ACOT13: variants seen among roughly 807,000 people sequenced by gnomAD.
ACOT13 encodes acyl-coenzyme A thioesterase 13.
Under a neutral mutation model 11.8 loss-of-function variants are expected in ACOT13, and 10 were observed. The observed-to-expected ratio is 0.85, with a 90% CI of 0.53 to 1.44. ACOT13 has a LOEUF of 1.44. ACOT13 is among the 40% of genes most tolerant of loss of function. The pLI is 0.00. For missense variants in ACOT13, 172 were observed against 174.1 expected, an observed-to-expected ratio of 0.99 and a Z score of 0.07; for synonymous variants, 53 against 61.0, an observed-to-expected ratio of 0.87 and a Z score of 0.61.
At chr6:24,696,985 A>G (rs1255289544) in intron 1 of ACOT13, among the ~76,000 whole-genome samples, 1 of 152,214 alleles carries the variant, frequency 6.6e-6, no homozygotes, top group Non-Finnish European at 1.5e-5. Context: ...CATGTTGGTA[A>G]GGCTGGTCTC....
intron 1 of ACOT13, among the ~76,000 whole-genome samples, chr6:24,668,204 G>GA (rs1161271248): frequency 1.3e-5 from 2 of 151,214 alleles, no homozygotes; most frequent in South Asian, 4.2e-4. Flanking sequence ...CGCCACGCCA[G>GA]ACCTTGAAGG....
intron 1 of ACOT13, among the ~76,000 whole-genome samples, chr6:24,691,024 C>G (rs1445178347): frequency 6.6e-6 from 1 of 152,068 alleles, no homozygotes; most frequent in Non-Finnish European, 1.5e-5. Flanking sequence ...GTTTGTCTTC[C>G]CTCTATACTT....
At position 24,704,137 on chromosome 6, in the gene ACOT13, T is replaced by A. The variant is rs1778948280; in HGVS notation, c.*2522T>A. The A allele has an allele frequency of 6.6e-6, 1 of 152,106 alleles. No individual in the cohort carries two copies. Among genetic ancestry groups the A allele is most frequent in the South Asian group, 2.1e-4 (1 of 4,834 alleles). The allele number at this position is 152,106 out of a possible 1,614,324, so 9.4% of individuals were successfully genotyped here. ...GTAATTTTACTCTAGTTATATGAAA[T>A]ATTCTTGTACTTGGAACATATGCCG... On this transcript the variant is annotated 3_prime_UTR_variant, in exon 3 of 3. Coordinates refer to ENST00000230048, the MANE Select transcript of ACOT13 (RefSeq NM_018473.4).
chr6:24,670,235 T>A (rs1778337853), intron 1 of ACOT13, among the ~76,000 whole-genome samples: 1 of 152,228 alleles, frequency 6.6e-6, no homozygotes, highest in Non-Finnish European at 1.5e-5. Context: ...ATAGGCTTTT[T>A]AAAATTGGCT....
At chr6:24,672,467 C>A (rs1778380146) in intron 1 of ACOT13, among the ~76,000 whole-genome samples, 1 of 152,154 alleles carries the variant, frequency 6.6e-6, no homozygotes, top group Non-Finnish European at 1.5e-5. Flanking sequence ...GGTGAAACCC[C>A]TTCTCTACTA....
At chr6:24,693,035 CCTGT>C (rs1454811040) in intron 1 of ACOT13, among the ~76,000 whole-genome samples, 1 of 152,216 alleles carries the variant, frequency 6.6e-6, no homozygotes, top group African/African-American at 2.4e-5. Flanking sequence ...ACTGCCACAT[CCTGT>C]CTTTTTACCT....
rs905594682 is a variant in ACOT13, at chr6:24,675,604, A to C, written c.81+8260A>C. ...TTGATTTTTTCTTGTAAATTTGTTT[A>C]AGTTCTTTGTAGATTCTGGATATTA... On this transcript the variant is annotated intron_variant, in intron 1 of 2. Coordinates refer to ENST00000230048, the MANE Select transcript of ACOT13 (RefSeq NM_018473.4). Among the ~76,000 whole-genome samples, 3 of 151,892 alleles carry C rather than the reference A, an allele frequency of 2.0e-5. No homozygotes were observed. The South Asian group carries it at 6.2e-4, about 32-fold the overall frequency.
intron 1 of ACOT13, among the ~76,000 whole-genome samples, chr6:24,682,581 G>A (rs1478996381): frequency 6.6e-6 from 1 of 152,204 alleles, no homozygotes; most frequent in Non-Finnish European, 1.5e-5. Context: ...CCTTTAGCCT[G>A]ATTGGGAGTG....
At chr6:24,668,903 G>A (rs1467757020) in intron 1 of ACOT13, among the ~76,000 whole-genome samples, 1 of 152,202 alleles carries the variant, frequency 6.6e-6, no homozygotes, top group Non-Finnish European at 1.5e-5. Context: ...CAGAAAAGGT[G>A]GGGGTTTGGA....
intron 1 of ACOT13, among the ~76,000 whole-genome samples, chr6:24,692,605 G>T (rs1398684460): frequency 6.6e-6 from 1 of 152,116 alleles, no homozygotes; most frequent in Non-Finnish European, 1.5e-5. Context: ...TTTTTCTAGA[G>T]TTGGGGTCTT....
Position 24,667,319 on chromosome 6 carries a change from G to A in ACOT13, c.56G>A (p.Arg19His). 2 of 1,614,188 alleles carry A rather than the reference G, an allele frequency of 1.2e-6. No individual in the cohort carries two copies. The highest frequency in any genetic ancestry group is 1.7e-6 in the Non-Finnish European group (2 of 1,180,022). Residue 19 changes from arginine to histidine, a missense_variant, in exon 1 of 3, where the codon CGC becomes CAC. By Grantham distance (29) the Arg-to-His change is conservative. Coordinates refer to ENST00000230048, the MANE Select transcript of ACOT13 (RefSeq NM_018473.4). ...GTGATAAAGGCCATGACCAAGGCTC[G>A]CAATTTTGAGAGAGTTTTGGGAAAG... The part of the protein sequence containing the change: ...REVIKAMTKA[R>H]NFERVLGKIT...
At chr6:24,677,383 C>T (rs1778472760) in intron 1 of ACOT13, among the ~76,000 whole-genome samples, 1 of 152,196 alleles carries the variant, frequency 6.6e-6, no homozygotes, top group Admixed American at 6.5e-5. Context: ...GTGAGTATGC[C>T]ATTCACATCA....
At chr6:24,697,575 C>T (rs916005037) in intron 1 of ACOT13, among the ~76,000 whole-genome samples, 2 of 152,150 alleles carry the variant, frequency 1.3e-5, no homozygotes, top group African/African-American at 4.8e-5. Context: ...GCTTTGTTGG[C>T]GTCGAAGTTC....
Position 24,691,851 on chromosome 6 carries a change from T to C in ACOT13, c.82-6032T>C, listed in dbSNP as rs370635268. Among the ~76,000 whole-genome samples, 87 of 152,312 alleles carry C rather than the reference T, an allele frequency of 5.7e-4. No individual in the cohort carries two copies. The South Asian group carries it at 0.017, about 29-fold the overall frequency. ...CGCATTGGGATAAGCCCATCATAAA[T>C]TGAGATACTTTCAACTTAACAATAG... On this transcript the variant is annotated intron_variant, in intron 1 of 2. Coordinates refer to ENST00000230048, the MANE Select transcript of ACOT13 (RefSeq NM_018473.4).
chr6:24,672,957 G>A (rs1778386823), intron 1 of ACOT13, among the ~76,000 whole-genome samples: 1 of 152,170 alleles, frequency 6.6e-6, no homozygotes, highest in Admixed American at 6.5e-5. Context: ...CTTCTACGGG[G>A]CCTGAAGATG....
rs369791083 is a variant in ACOT13, at chr6:24,703,179, TCTTA to T, written c.*1568_*1571del. On this transcript the variant is annotated 3_prime_UTR_variant, in exon 3 of 3. Coordinates refer to ENST00000230048, the MANE Select transcript of ACOT13 (RefSeq NM_018473.4). Reference sequence around the variant, plus strand: ...GTGTGAACCACTGCACCCAGCTGACTCTTACTTGATTTCTGTCAGGGAATCTTAA... The same window carrying T: ...GTGTGAACCACTGCACCCAGCTGACTCTTGATTTCTGTCAGGGAATCTTAA... The T allele has an allele frequency of 2.0e-5, 3 of 152,358 alleles. No individual in the cohort carries two copies. The highest frequency in any genetic ancestry group is 7.2e-5 in the African/African-American group (3 of 41,584). The allele number at this position is 152,358 out of a possible 1,614,324, so 9.4% of individuals were successfully genotyped here. A position where few individuals can be genotyped will look rare whatever the true frequency, so the allele number is the denominator to read the frequency against.
At chr6:24,674,556 C>T (rs993780470) in intron 1 of ACOT13, among the ~76,000 whole-genome samples, 1 of 151,888 alleles carries the variant, frequency 6.6e-6, no homozygotes, top group Non-Finnish European at 1.5e-5. Flanking sequence ...TTACAGGCGC[C>T]TGCCACCACG....
chr6:24,673,017 T>G (rs1372222858), intron 1 of ACOT13, among the ~76,000 whole-genome samples: 1 of 152,186 alleles, frequency 6.6e-6, no homozygotes, highest in Non-Finnish European at 1.5e-5. Context: ...CTTGGTGTCC[T>G]TTTTAGACCC....
chr6:24,673,111 A>G (rs1024725869), intron 1 of ACOT13, among the ~76,000 whole-genome samples: 1 of 152,168 alleles, frequency 6.6e-6, no homozygotes. Flanking sequence ...ATGTTAATTA[A>G]AAAATCTTTT....
Sources: gnomAD v4.1 joint callset for allele counts (sites outside exome capture counted in the v4.1 genomes callset) on GRCh38, gnomAD v4.1.1 for gene constraint, MANE v1.5 for transcripts, NCBI Gene and HGNC (gene_info 2026-07-23, HGNC 2026-07-21) for gene names.